Variants in UBE2W observed in about 807,000 individuals in gnomAD.
UBE2W encodes the protein ubiquitin conjugating enzyme E2 W.
Under a neutral mutation model 27.2 loss-of-function variants are expected in UBE2W, and 18 were observed. That is an observed-to-expected ratio of 0.66 (90% CI 0.46 to 0.98). The LOEUF (loss-of-function observed/expected upper bound fraction) is 0.98. Ranked by LOEUF, UBE2W falls within the 50% of genes least tolerant of loss-of-function variation. The pLI, the probability that UBE2W is intolerant of heterozygous loss-of-function variation, is 0.00. For missense variants in UBE2W, 90 were observed against 180.2 expected (o/e 0.50, Z 2.87); for synonymous variants, 53 against 57.2 (o/e 0.93, Z 0.33).
chr8:73,788,763 T>C lies in UBE2W; in HGVS notation c.*5339A>G, dbSNP rs1488747481. The C allele has an allele frequency of 1.0e-6, 1 of 985,246 alleles. No homozygotes were observed. The highest frequency in any genetic ancestry group is 1.1e-4 in the East Asian group (1 of 8,818). The allele number at this position is 985,246 out of a possible 1,614,324, so 61.0% of individuals were successfully genotyped here. A position where few individuals can be genotyped will look rare whatever the true frequency, so the allele number is the denominator to read the frequency against. On this transcript the variant is annotated 3_prime_UTR_variant, in exon 6 of 6. Transcript: ENST00000602593. ...CCAATGAGAAAACAACTTAGAATCG[T>C]TGTAGGACCATCCTTTTCTCAAAAC...
chr8:73,809,286 C>G (rs1809052089), intron 4 of UBE2W, among the ~76,000 whole-genome samples: 1 of 152,174 alleles, frequency 6.6e-6, no homozygotes, highest in Non-Finnish European at 1.5e-5. Context: ...GAACTATTAT[C>G]TTAAAAGTTC....
At chr8:73,807,661 T>C (rs1808972257) in intron 4 of UBE2W, among the ~76,000 whole-genome samples, 1 of 152,310 alleles carries the variant, frequency 6.6e-6, no homozygotes, top group African/African-American at 2.4e-5. Flanking sequence ...TAAATCTATG[T>C]TCATATGGAA....
chr8:73,787,898 A>AAAT lies in UBE2W; in HGVS notation c.*6203_*6204insATT. On this transcript the variant is annotated 3_prime_UTR_variant, in exon 6 of 6. Coordinates refer to ENST00000602593, the MANE Select transcript of UBE2W (RefSeq NM_018299.6). ...CTCAGTCTTTAGTTGGGACTTATTAAAACACTAAAACTAGCTACATATTAC... is the reference window on the plus strand; with the variant it reads ...CTCAGTCTTTAGTTGGGACTTATTAAAATAACACTAAAACTAGCTACATATTAC... 6.1e-6 allele frequency: 6 copies of AAAT among 985,438 alleles called. No individual in the cohort carries two copies. The highest frequency in any genetic ancestry group is 7.2e-6 in the Non-Finnish European group (6 of 829,918). 61.0% of individuals were successfully genotyped at this position (985,438 alleles called of 1,614,324 possible). A position where few individuals can be genotyped will look rare whatever the true frequency, so the allele number is the denominator to read the frequency against.
At chr8:73,782,188 C>T (rs916600807), downstream of UBE2W, among the ~76,000 whole-genome samples, 5 of 151,820 alleles carry the variant, frequency 3.3e-5, no homozygotes, top group Non-Finnish European at 7.4e-5. Context: ...ACCTCGTGAT[C>T]TGCCTGCCTT....
At chr8:73,803,296 A>G (rs1425539446) in intron 5 of UBE2W, among the ~76,000 whole-genome samples, 1 of 152,188 alleles carries the variant, frequency 6.6e-6, no homozygotes, top group Non-Finnish European at 1.5e-5. Context: ...TCCTTCTCCA[A>G]AGGATTACAG....
intron 1 of UBE2W, among the ~76,000 whole-genome samples, chr8:73,859,241 C>G (rs1176943215): frequency 6.6e-6 from 1 of 152,208 alleles, no homozygotes; most frequent in Admixed American, 6.5e-5. Flanking sequence ...AATGGTGGCT[C>G]ACGCCTGTAA....
chr8:73,855,791 T>A (rs1811272117), intron 1 of UBE2W, among the ~76,000 whole-genome samples: 1 of 152,148 alleles, frequency 6.6e-6, no homozygotes, highest in African/African-American at 2.4e-5. Flanking sequence ...CTGGACCCAA[T>A]TTTTTGTTAA....
exon 5 of UBE2W, chr8:73,780,352 G>T (rs1807819069): frequency 1.4e-5 from 5 of 344,960 alleles, no homozygotes; most frequent in Non-Finnish European, 2.9e-5. Context: ...ATTGGATTAA[G>T]GCCACATTCT....
chr8:73,835,687 T>A (rs1056802991), intron 1 of UBE2W, among the ~76,000 whole-genome samples: 48 of 152,138 alleles, frequency 3.2e-4, no homozygotes, highest in African/African-American at 1.1e-3. Flanking sequence ...GAGGTTGCAG[T>A]GAGTGAGATC....
At chr8:73,835,473 T>C (rs146355457) in intron 1 of UBE2W, among the ~76,000 whole-genome samples, 1,809 of 152,330 alleles carry the variant, frequency 0.012, 37 homozygotes, top group African/African-American at 0.041. Flanking sequence ...CCGGGTGCGA[T>C]GGCTCATGCC....
chr8:73,835,276 C>T (rs181134362), intron 1 of UBE2W, among the ~76,000 whole-genome samples: 97 of 152,046 alleles, frequency 6.4e-4, no homozygotes, highest in African/African-American at 1.8e-3. Flanking sequence ...CTTCTTTCAT[C>T]TCCACAAAGG....
intron 1 of UBE2W, among the ~76,000 whole-genome samples, chr8:73,872,289 T>C (rs191329909): frequency 2.0e-4 from 31 of 152,312 alleles, no homozygotes; most frequent in African/African-American, 7.2e-4. Flanking sequence ...TCAAAAAGCA[T>C]TCCTAAATAG....
At chr8:73,865,895 C>A (rs1811734588) in intron 1 of UBE2W, among the ~76,000 whole-genome samples, 1 of 151,994 alleles carries the variant, frequency 6.6e-6, no homozygotes, top group East Asian at 1.9e-4. Flanking sequence ...ACCTGAGATG[C>A]CCTCTGGCTC....
At chr8:73,815,991 T>C (rs1041520119) in intron 3 of UBE2W, among the ~76,000 whole-genome samples, 1 of 152,216 alleles carries the variant, frequency 6.6e-6, no homozygotes, top group Admixed American at 6.5e-5. Context: ...ACATACAATA[T>C]AGGTAGTCTA....
exon 5 of UBE2W, chr8:73,780,503 A>C (rs1406934098): frequency 8.8e-6 from 4 of 453,146 alleles, no homozygotes; most frequent in South Asian, 6.3e-5. Context: ...GATAGTATGA[A>C]GGCAGATTTC....
chr8:73,792,347 T>TA lies in UBE2W; in HGVS notation c.*1754dup. On this transcript the variant is annotated 3_prime_UTR_variant, in exon 6 of 6. Coordinates refer to ENST00000602593, the MANE Select transcript of UBE2W (RefSeq NM_018299.6). The stretch of plus-strand genomic sequence containing the variant: ...ACAATTTGGTGGCTGGCCACGGTTT[T>TA]AATTTTTTTTTTCAAGTTATTTCTA... 1 of 985,544 alleles carries TA rather than the reference T, an allele frequency of 1.0e-6. No homozygotes were observed. The highest frequency in any genetic ancestry group is 1.1e-4 in the East Asian group (1 of 8,828). The allele number at this position is 985,544 out of a possible 1,614,324, so 61.0% of individuals were successfully genotyped here. A position where few individuals can be genotyped will look rare whatever the true frequency, so the allele number is the denominator to read the frequency against.
intron 1 of UBE2W, among the ~76,000 whole-genome samples, chr8:73,837,890 A>G (rs975263348): frequency 6.6e-6 from 1 of 152,254 alleles, no homozygotes; most frequent in Non-Finnish European, 1.5e-5. Context: ...GAAAAGGCCT[A>G]AAGTTATTTG....
intron 5 of UBE2W, 41 bp downstream of exon 5, chr8:73,805,610 A>G: frequency 7.9e-7 from 1 of 1,272,336 alleles, no homozygotes; most frequent in Non-Finnish European, 1.1e-6. Context: ...TAATCTTCAT[A>G]TCAAAATGCT....
chr8:73,827,283 G>A (rs1331735752), intron 2 of UBE2W, among the ~76,000 whole-genome samples: 2 of 151,918 alleles, frequency 1.3e-5, no homozygotes, highest in Admixed American at 6.6e-5. Flanking sequence ...GCGTGATCTC[G>A]GCTCACCGCA....
Sources: allele counts gnomAD v4.1 joint callset (sites outside exome capture counted in the v4.1 genomes callset), GRCh38; gene constraint gnomAD v4.1.1; transcripts MANE v1.5; gene names NCBI Gene and HGNC (gene_info 2026-07-23, HGNC 2026-07-21).